Variants in LATS1 observed in about 807,000 individuals in gnomAD.
The protein encoded by LATS1 is large tumor suppressor kinase 1.
LATS1 carries 25 observed loss-of-function variants against 106.6 expected under a neutral mutation model. The observed-to-expected ratio is 0.23, with a 90% CI of 0.17 to 0.33. LATS1 has a LOEUF of 0.33. LATS1 is among the 10% of genes least tolerant of loss of function. The pLI is 1.00. For missense variants in LATS1, 1,040 were observed against 1,382.6 expected (o/e 0.75, Z 3.93); for synonymous variants, 465 against 455.6 (o/e 1.02, Z -0.26).
intron 7 of LATS1, among the ~76,000 whole-genome samples, chr6:149,664,504 T>C (rs1781042483): frequency 1.3e-5 from 2 of 152,030 alleles, no homozygotes; most frequent in African/African-American, 4.8e-5. Context: ...AAACCAAAGT[T>C]AAAGAGAAGA....
rs77984428 is a variant in LATS1 at position 149,705,598 on chromosome 6, G to A, written c.-140-3332C>T. Among the ~76,000 whole-genome samples, 376 of 142,580 alleles carry A rather than the reference G, an allele frequency of 2.6e-3. 2 individuals are homozygous for A. Among genetic ancestry groups the A allele is most frequent in the African/African-American group, 8.0e-3 (313 of 38,906 alleles). The allele number at this position is 142,580 out of a possible 152,430, so 93.5% of individuals were successfully genotyped here. ...GATCATTCTGACAGAGAGAGAGAGAGAAAAAAAAAAGAAAAAAAGAAAAGA... is the reference window on the plus strand; with the variant it reads ...GATCATTCTGACAGAGAGAGAGAGAAAAAAAAAAAAGAAAAAAAGAAAAGA... On this transcript the variant is annotated intron_variant, in intron 1 of 7. Coordinates refer to ENST00000543571, the MANE Select transcript of LATS1 (RefSeq NM_004690.4).
chr6:149,704,646 T>A (rs1783650857), intron 1 of LATS1, among the ~76,000 whole-genome samples: 1 of 151,668 alleles, frequency 6.6e-6, no homozygotes, highest in Non-Finnish European at 1.5e-5. Flanking sequence ...CCTGTCCAGC[T>A]AAGTTGTTAA....
At position 149,668,481 on chromosome 6, in the gene LATS1, G is replaced by T. The variant is rs974941092; in HGVS notation, c.2884-6243C>A. On this transcript the variant is annotated intron_variant, in intron 7 of 7. Transcript: ENST00000543571. ...TTAAGAGACAGGGTCTCATTCTGTT[G>T]CTCAGGCTACAGCATAGTGGTATGA... Among the ~76,000 whole-genome samples the T allele has an allele frequency of 1.5e-4, 22 of 148,894 alleles. 1 individual carries two copies. The highest frequency in any genetic ancestry group is 2.5e-4 in the Non-Finnish European group (17 of 67,696).
intron 1 of LATS1, among the ~76,000 whole-genome samples, chr6:149,706,843 C>T (rs532257909): frequency 6.6e-6 from 1 of 152,038 alleles, no homozygotes; most frequent in Non-Finnish European, 1.5e-5. Flanking sequence ...AGACGTCTGG[C>T]CTCCAGAACT....
chr6:149,711,601 C>T (rs1472335630), intron 1 of LATS1, among the ~76,000 whole-genome samples: 1 of 151,940 alleles, frequency 6.6e-6, no homozygotes, highest in Non-Finnish European at 1.5e-5. Flanking sequence ...CTAAAAAAAT[C>T]TTCTTGTCTA....
intron 7 of LATS1, among the ~76,000 whole-genome samples, chr6:149,665,698 G>A (rs1781108123): frequency 6.6e-6 from 1 of 152,102 alleles, no homozygotes; most frequent in Admixed American, 6.6e-5. Context: ...CTGAACTAAG[G>A]AAAAGACCAC....
chr6:149,714,824 C>T (rs1430454840), intron 1 of LATS1, among the ~76,000 whole-genome samples: 2 of 152,114 alleles, frequency 1.3e-5, no homozygotes, highest in African/African-American at 4.8e-5. Context: ...AAGGCTGAGA[C>T]TCAAACTTTA....
chr6:149,670,745 AG>A (rs1292564098), intron 7 of LATS1, among the ~76,000 whole-genome samples: 1 of 152,054 alleles, frequency 6.6e-6, no homozygotes, highest in Non-Finnish European at 1.5e-5. Context: ...AGACATTTAA[AG>A]AAACATGTCA....
chr6:149,705,211 T>C (rs141378412), intron 1 of LATS1, among the ~76,000 whole-genome samples: 2 of 152,326 alleles, frequency 1.3e-5, no homozygotes, highest in East Asian at 3.9e-4. Context: ...CCATGTGCTT[T>C]TTATGAAGGA....
At chr6:149,676,160 T>C in intron 7 of LATS1, 100 bp downstream of exon 7, 1 of 823,024 alleles carries the variant, frequency 1.2e-6, no homozygotes, top group Non-Finnish European at 2.1e-6. Flanking sequence ...CCCAAGTTCA[T>C]TCTTTAACTC....
In LATS1 at chr6:149,660,664, G is replaced by A. The variant is rs531427534; in HGVS notation, c.*1065C>T. 1.7e-4 allele frequency: 39 copies of A among 230,902 alleles called. No individual in the cohort carries two copies. Among genetic ancestry groups the A allele is most frequent in the African/African-American group, 8.2e-4 (37 of 45,322 alleles). 14.3% of individuals were successfully genotyped at this position (230,902 alleles called of 1,614,324 possible). Reference sequence around the variant, plus strand: ...TTATTGAACCTTAAATAAATTAGGAGGACTTGAATTTTCTACTAAGACCAC... The same window carrying A: ...TTATTGAACCTTAAATAAATTAGGAAGACTTGAATTTTCTACTAAGACCAC... On this transcript the variant is annotated 3_prime_UTR_variant, in exon 8 of 8. Coordinates refer to ENST00000543571, the MANE Select transcript of LATS1 (RefSeq NM_004690.4).
chr6:149,666,910 C>T (rs1248589951), intron 7 of LATS1, among the ~76,000 whole-genome samples: 1 of 148,310 alleles, frequency 6.7e-6, no homozygotes, highest in Non-Finnish European at 1.5e-5. Context: ...AGCCACTGCA[C>T]TCCAGCCTGG....
rs781486645 is a variant in LATS1 at position 149,663,812 on chromosome 6, A to AT, written c.2884-1575dup. Among the ~76,000 whole-genome samples, 524 of 144,316 alleles carry AT rather than the reference A, an allele frequency of 3.6e-3. 3 individuals are homozygous for AT. Among genetic ancestry groups the AT allele is most frequent in the Middle Eastern group, 3.6e-3 (1 of 274 alleles). The allele number at this position is 144,316 out of a possible 152,430, so 94.7% of individuals were successfully genotyped here. ...AAAAATATACACAATGAGATGAACAATTTTTTTTTTTTTTTGAAACAGTCT... is the reference window on the plus strand; with the variant it reads ...AAAAATATACACAATGAGATGAACAATTTTTTTTTTTTTTTTGAAACAGTCT... On this transcript the variant is annotated intron_variant, in intron 7 of 7. Transcript: ENST00000543571.
intron 2 of LATS1, among the ~76,000 whole-genome samples, chr6:149,696,363 G>A (rs967155911): frequency 2.0e-5 from 3 of 149,810 alleles, no homozygotes; most frequent in African/African-American, 4.9e-5. Flanking sequence ...GAGGTCAGGA[G>A]CTCCAGACCA....
intron 1 of LATS1, among the ~76,000 whole-genome samples, chr6:149,710,115 T>C (rs1230401473): frequency 6.6e-6 from 1 of 152,182 alleles, no homozygotes; most frequent in Non-Finnish European, 1.5e-5. Flanking sequence ...GGTGTCTTCC[T>C]TTCTGGACCT....
chr6:149,686,322 C>G lies in LATS1; in HGVS notation c.497-1730G>C, dbSNP rs559053490. Among the ~76,000 whole-genome samples, 4 of 152,290 alleles carry G rather than the reference C, an allele frequency of 2.6e-5. No individual in the cohort carries two copies. The South Asian group carries it at 8.3e-4, about 32-fold the overall frequency. On this transcript the variant is annotated intron_variant, in intron 3 of 7. Transcript: ENST00000543571. ...ATTCCGGATAAACTGGACAAGTCCT[C>G]TGGCCATCAGGCTCTTTCTCACTTT...
chr6:149,659,857 T>A lies in LATS1; in HGVS notation c.*1872A>T. 4.4e-6 allele frequency: 1 copy of A among 227,002 alleles called. No individual in the cohort carries two copies. The highest frequency in any genetic ancestry group is 6.4e-5 in the East Asian group (1 of 15,608). The allele number at this position is 227,002 out of a possible 1,614,324, so 14.1% of individuals were successfully genotyped here. ...TAGAAATCCTTCAGAAATATTTCTG[T>A]ATCAAGCTTGTAATGAGCCTAACAT... On this transcript the variant is annotated 3_prime_UTR_variant, in exon 8 of 8. Transcript: ENST00000543571.
chr6:149,695,676 G>GAA (rs59803714), intron 2 of LATS1, among the ~76,000 whole-genome samples: 10 of 134,164 alleles, frequency 7.5e-5, no homozygotes, highest in Non-Finnish European at 1.5e-4. Flanking sequence ...TGCTGTCTTG[G>GAA]AAAAAAAAAA....
At chr6:149,686,507 A>G (rs1387590355) in intron 3 of LATS1, among the ~76,000 whole-genome samples, 2 of 152,278 alleles carry the variant, frequency 1.3e-5, no homozygotes, top group Non-Finnish European at 2.9e-5. Flanking sequence ...CTCCACAGCC[A>G]GCAAATGTGC....
Sources: allele counts gnomAD v4.1 joint callset (sites outside exome capture counted in the v4.1 genomes callset), GRCh38; gene constraint gnomAD v4.1.1; transcripts MANE v1.5; gene names NCBI Gene and HGNC (gene_info 2026-07-23, HGNC 2026-07-21).